The following CHRNB4 variants were observed in gnomAD, a reference collection of about 807,000 sequenced individuals.
The protein encoded by CHRNB4 is neuronal acetylcholine receptor subunit beta-4.
Under a neutral mutation model 40.4 loss-of-function variants are expected in CHRNB4, and 23 were observed. The ratio of observed to expected loss-of-function variants is 0.57; its 90% confidence interval spans 0.41 to 0.81. CHRNB4 has a LOEUF of 0.81. Among genes scored for constraint, CHRNB4 ranks in the 30% least tolerant of loss-of-function variants. The pLI is 0.00. For synonymous variants in CHRNB4, 285 were observed against 274.4 expected, an observed-to-expected ratio of 1.04 and a Z score of -0.38; for missense variants, 568 against 670.6, an observed-to-expected ratio of 0.85 and a Z score of 1.69.
At chr15:78,632,201 CTTTCTTTCTTTCTCTT>C (rs2053836127) in intron 2 of CHRNB4, among the ~76,000 whole-genome samples, 7 of 83,910 alleles carry the variant, frequency 8.3e-5, no homozygotes, top group African/African-American at 5.2e-4. Flanking sequence ...TTCTTTCTTT[CTTTCTTTCTTTCTCTT>C]TCTCTCTCTC....
rs2053722580 is a variant in CHRNB4 at position 78,628,879 on chromosome 15, A to G, written c.1338+88T>C. On this transcript the variant is annotated intron_variant, in intron 5 of 5. Transcript: ENST00000261751. ...CAGAGTTTGAGAGTCCTTGTCTCCT[A>G]TGAATTAACTGCAGGAAGTGGGAAG... The G allele has an allele frequency of 1.3e-5, 20 of 1,485,074 alleles. No individual in the cohort carries two copies. In the South Asian group the frequency reaches 1.6e-4, roughly 12 times the overall value. 92.0% of individuals were successfully genotyped at this position (1,485,074 alleles called of 1,614,324 possible). A position where few individuals can be genotyped will look rare whatever the true frequency, so the allele number is the denominator to read the frequency against.
chr15:78,635,527 C>T lies in CHRNB4; in HGVS notation c.116G>A (p.Arg39His), dbSNP rs548549089. ...KLMDDLLNKTRYNNLIRPATS... is the reference protein window; with the variant it reads ...KLMDDLLNKTHYNNLIRPATS... ...GGCTGGGCGGATCAGGTTATTGTAA[C>T]GGGTTTTGTTCAGAAGGTCGTCCAT... The change falls in exon 2 of 6, where the codon CGT becomes CAT. Residue 39 changes from arginine (R) to histidine (H), a missense_variant. This residue lies in a region of CHRNB4 where 161 missense variants were observed against 148.1 expected (regional missense o/e 1.09). Coordinates refer to ENST00000261751, the MANE Select transcript of CHRNB4 (RefSeq NM_000750.5). The T allele has an allele frequency of 1.5e-5, 24 of 1,614,144 alleles. No individual in the cohort carries two copies. Among genetic ancestry groups the T allele is most frequent in the Admixed American group, 5.0e-5 (3 of 60,012 alleles).
upstream of CHRNB4, chr15:78,641,216 C>T: frequency 7.9e-7 from 1 of 1,260,102 alleles, no homozygotes; most frequent in Admixed American, 3.7e-5. Flanking sequence ...CGAGTGAGCG[C>T]CGGTCCTGGC....
At position 78,629,276 on chromosome 15, in the gene CHRNB4, G is replaced by C; in HGVS notation, c.1029C>G (p.Thr343=). ...VKRCFLHKLP[T]FLFMKRPGPD... ...GGCCAGGGCGCTTCATGAAGAGGAA[G>C]GTAGGCAGCTTGTGCAGGAAGCAGC... Residue 343 remains threonine, a synonymous_variant, in exon 5 of 6, where the codon ACC becomes ACG. Transcript: ENST00000261751. This position sits in a 1 kb window ranked among gnomAD's most constrained non-coding sequence, Gnocchi z 6.8. 4 of 1,613,486 alleles carry C rather than the reference G, an allele frequency of 2.5e-6. No individual in the cohort carries two copies. The highest frequency in any genetic ancestry group is 3.4e-6 in the Non-Finnish European group (4 of 1,179,610).
chr15:78,643,637 T>G (rs961698309), upstream of CHRNB4, among the ~76,000 whole-genome samples: 2 of 151,940 alleles, frequency 1.3e-5, no homozygotes, highest in Non-Finnish European at 2.9e-5. Context: ...CAACCTATAA[T>G]AGAAATGAAG....
chr15:78,636,885 G>A (rs774357327), intron 1 of CHRNB4, among the ~76,000 whole-genome samples: 64 of 152,288 alleles, frequency 4.2e-4, no homozygotes, highest in Non-Finnish European at 7.5e-4. Flanking sequence ...AACCAGAAAC[G>A]GTTCCTGACA....
intron 5 of CHRNB4, among the ~76,000 whole-genome samples, chr15:78,654,920 G>A (rs576503608): frequency 1.2e-4 from 18 of 152,086 alleles, no homozygotes; most frequent in Non-Finnish European, 2.5e-4. Flanking sequence ...AAATGGTATA[G>A]ATTTATTTCA....
chr15:78,628,392 G>A (rs987976805), intron 5 of CHRNB4, among the ~76,000 whole-genome samples: 6 of 152,118 alleles, frequency 3.9e-5, no homozygotes, highest in African/African-American at 9.7e-5. Flanking sequence ...TTCCATTTCT[G>A]GCACCCGCAT....
chr15:78,649,944 C>T (rs992956816), intron 6 of CHRNB4, among the ~76,000 whole-genome samples: 1 of 152,120 alleles, frequency 6.6e-6, no homozygotes, highest in Non-Finnish European at 1.5e-5. Context: ...GATAATGGTT[C>T]CCAGGTGTTT....
intron 1 of CHRNB4, 25 bp downstream of exon 1, chr15:78,641,054 C>T (rs1434395691): frequency 6.4e-7 from 1 of 1,562,246 alleles, no homozygotes; most frequent in Non-Finnish European, 8.7e-7. Flanking sequence ...AGGCGCCCCT[C>T]CCTCCTTCCC....
At chr15:78,647,407 A>G (rs2054131000) in intron 7 of CHRNB4, among the ~76,000 whole-genome samples, 2 of 151,794 alleles carry the variant, frequency 1.3e-5, no homozygotes, top group Admixed American at 6.6e-5. Context: ...CAATATGAAC[A>G]TGTAATTCAT....
At chr15:78,651,537 G>A (rs2054171824) in intron 6 of CHRNB4, among the ~76,000 whole-genome samples, 2 of 152,204 alleles carry the variant, frequency 1.3e-5, no homozygotes, top group African/African-American at 4.8e-5. Context: ...CCCACCAGAA[G>A]CTGGACATGT....
At chr15:78,647,153 T>G (rs1308073578) in intron 7 of CHRNB4, among the ~76,000 whole-genome samples, 1 of 152,040 alleles carries the variant, frequency 6.6e-6, no homozygotes, top group East Asian at 1.9e-4. Flanking sequence ...AAAAAAATAT[T>G]AAAAGCATAA....
At chr15:78,652,053 C>G (rs2054176787) in intron 6 of CHRNB4, among the ~76,000 whole-genome samples, 1 of 152,210 alleles carries the variant, frequency 6.6e-6, no homozygotes, top group Non-Finnish European at 1.5e-5. Flanking sequence ...AGAAAGCTGA[C>G]AGGGAAGGAG....
At chr15:78,661,102 G>C, upstream of CHRNB4, 1 of 609,296 alleles carries the variant, frequency 1.6e-6, no homozygotes, top group South Asian at 1.4e-5. Context: ...CCGGCCCTTG[G>C]AGCGGACGTA....
chr15:78,643,884 T>C (rs1216253502), upstream of CHRNB4, among the ~76,000 whole-genome samples: 1 of 151,724 alleles, frequency 6.6e-6, no homozygotes, highest in Non-Finnish European at 1.5e-5. Flanking sequence ...GCACGGTGGC[T>C]CACGCCTATA....
exon 6 of CHRNB4, chr15:78,652,646 G>A (rs914097364): frequency 2.6e-5 from 4 of 152,214 alleles, no homozygotes; most frequent in East Asian, 1.9e-4. Flanking sequence ...CGGCACTTCC[G>A]GCCTGGTGAC....
Position 78,625,029 on chromosome 15 carries a change from T to C in CHRNB4, c.*104A>G, listed in dbSNP as rs745558833. The C allele has an allele frequency of 4.7e-5, 76 of 1,602,726 alleles. No individual in the cohort carries two copies. The highest frequency in any genetic ancestry group is 6.1e-5 in the Non-Finnish European group (72 of 1,179,718). On this transcript the variant is annotated 3_prime_UTR_variant, in exon 6 of 6. Coordinates refer to ENST00000261751, the MANE Select transcript of CHRNB4 (RefSeq NM_000750.5). The stretch of plus-strand genomic sequence containing the variant: ...CTGGTTTGATGGGGTTGATGGCCAA[T>C]GCTCACATATTTACTTAGGGCCTCA...
chr15:78,636,732 C>T (rs1196603356), intron 1 of CHRNB4, among the ~76,000 whole-genome samples: 3 of 151,990 alleles, frequency 2.0e-5, no homozygotes, highest in East Asian at 3.9e-4. Context: ...TACAGGTGTG[C>T]ACCACCACAC....
Sources: allele counts gnomAD v4.1 joint callset (sites outside exome capture counted in the v4.1 genomes callset), GRCh38; gene constraint gnomAD v4.1.1; regional missense constraint gnomAD v4.1.1; non-coding constraint Gnocchi (gnomAD v3.1); transcripts MANE v1.5; gene names NCBI Gene and HGNC (gene_info 2026-07-23, HGNC 2026-07-21).